ZNHIT2: variants seen among roughly 807,000 people sequenced by gnomAD.
ZNHIT2 encodes zinc finger HIT domain-containing protein 2.
In ZNHIT2, 16 loss-of-function variants were observed where a neutral mutation model predicts 18.0. That is an observed-to-expected ratio of 0.89 (90% CI 0.60 to 1.35). The LOEUF (loss-of-function observed/expected upper bound fraction) is 1.35, where lower values mean the gene tolerates loss of function less well. Among genes scored for constraint, ZNHIT2 ranks in the 40% most tolerant of loss-of-function variants. ZNHIT2 has a pLI of 0.00. For missense variants in ZNHIT2, 631 were observed against 566.4 expected (o/e 1.11, Z -1.16); for synonymous variants, 336 against 269.8 (o/e 1.25, Z -2.41).
rs762245978 is a variant in ZNHIT2 at position 65,117,230 on chromosome 11, C to T, written c.424G>A (p.Glu142Lys). Residue 142 changes from glutamate to lysine, a missense_variant, in exon 1 of 1, where the codon GAG becomes AAG. Glu to Lys is a moderately conservative substitution (Grantham distance 56, BLOSUM62 1). Coordinates refer to ENST00000310597, the MANE Select transcript of ZNHIT2 (RefSeq NM_014205.4). ...NRGAGPQLLE[E>K]LDNAPGSDAA... ...TCACTACCCGGGGCATTATCCAGCT[C>T]CTCCAGAAGCTGCGGTCCGGCTCCG... 7 of 1,509,880 alleles carry T rather than the reference C, an allele frequency of 4.6e-6. No individual in the cohort carries two copies. Among genetic ancestry groups the T allele is most frequent in the African/African-American group, 4.2e-5 (3 of 71,780 alleles). 93.5% of individuals were successfully genotyped at this position (1,509,880 alleles called of 1,614,324 possible). A position where few individuals can be genotyped will look rare whatever the true frequency, so the allele number is the denominator to read the frequency against.
At position 65,116,701 on chromosome 11, in the gene ZNHIT2, C is replaced by T. The variant is rs1165065269; in HGVS notation, c.953G>A (p.Gly318Asp). The change falls in exon 1 of 1, where the codon GGC becomes GAC. Residue 318 changes from glycine to aspartate, a missense_variant. Transcript: ENST00000310597. ...AALGDLAQTL[G>D]RARKQAVARE... is the part of the protein sequence containing the mutation. ...AGCCACGGCCTGTTTCCGGGCACGGCCCAGGGTCTGTGCCAGGTCCCCCAG... is the reference window on the plus strand; with the variant it reads ...AGCCACGGCCTGTTTCCGGGCACGGTCCAGGGTCTGTGCCAGGTCCCCCAG... The T allele has an allele frequency of 1.2e-6, 2 of 1,613,838 alleles. No homozygotes were observed. The highest frequency in any genetic ancestry group is 4.5e-5 in the East Asian group (2 of 44,884).
chr11:65,117,229 T>A lies in ZNHIT2; in HGVS notation c.425A>T (p.Glu142Val), dbSNP rs2137212281. 1 of 1,512,830 alleles carries A rather than the reference T, an allele frequency of 6.6e-7. No homozygotes were observed. The highest frequency in any genetic ancestry group is 1.3e-5 in the South Asian group (1 of 77,962). 93.7% of individuals were successfully genotyped at this position (1,512,830 alleles called of 1,614,324 possible). A position where few individuals can be genotyped will look rare whatever the true frequency, so the allele number is the denominator to read the frequency against. Residue 142 changes from glutamate to valine, a missense_variant, in exon 1 of 1, where the codon GAG becomes GTG. Coordinates refer to ENST00000310597, the MANE Select transcript of ZNHIT2 (RefSeq NM_014205.4). ...NRGAGPQLLEELDNAPGSDAA... is the reference protein window; with the variant it reads ...NRGAGPQLLEVLDNAPGSDAA... Reference sequence around the variant, plus strand: ...GTCACTACCCGGGGCATTATCCAGCTCCTCCAGAAGCTGCGGTCCGGCTCC... The same window carrying A: ...GTCACTACCCGGGGCATTATCCAGCACCTCCAGAAGCTGCGGTCCGGCTCC...
Sources: gnomAD v4.1 joint callset for allele counts on GRCh38, gnomAD v4.1.1 for gene constraint, MANE v1.5 for transcripts, NCBI Gene and HGNC (gene_info 2026-07-23, HGNC 2026-07-21) for gene names.